The following NAPEPLD variants were observed in gnomAD, a reference collection of about 807,000 sequenced individuals.
NAPEPLD encodes N-acyl-phosphatidylethanolamine-hydrolyzing phospholipase D.
Under a neutral mutation model 38.1 loss-of-function variants are expected in NAPEPLD, and 23 were observed. The ratio of observed to expected loss-of-function variants is 0.60; its 90% CI spans 0.43 to 0.86. The LOEUF (loss-of-function observed/expected upper bound fraction) is 0.86. Among genes scored for constraint, NAPEPLD ranks in the 40% least tolerant of loss-of-function variants. The pLI is 0.00. For synonymous variants in NAPEPLD, 147 were observed against 162.0 expected (o/e 0.91, Z 0.71); for missense variants, 411 against 476.8 (o/e 0.86, Z 1.28).
chr7:103,136,724 T>C (rs6964822), intron 1 of NAPEPLD, among the ~76,000 whole-genome samples: 135,861 of 152,150 alleles, frequency 0.89, 62,646 homozygotes, highest in East Asian at 1. Context: ...CCTAAGTTAC[T>C]GAATTTTTTT....
intron 1 of NAPEPLD, chr7:103,141,749 C>G (rs535163423): frequency 1.5e-5 from 13 of 852,532 alleles, no homozygotes; most frequent in Non-Finnish European, 2.7e-5. Context: ...GGTGTTTTTC[C>G]GGCATCAAGC....
At chr7:103,125,942 T>C (rs892466645) in intron 2 of NAPEPLD, among the ~76,000 whole-genome samples, 1 of 150,010 alleles carries the variant, frequency 6.7e-6, no homozygotes, top group South Asian at 2.1e-4. Flanking sequence ...AAACAAATTC[T>C]TGAGGAAATT....
At chr7:103,129,756 C>G (rs764374601) in intron 1 of NAPEPLD, among the ~76,000 whole-genome samples, 1 of 152,180 alleles carries the variant, frequency 6.6e-6, no homozygotes, top group African/African-American at 2.4e-5. Context: ...GTTTCCCACC[C>G]TCTCTGTACC....
intron 2 of NAPEPLD, among the ~76,000 whole-genome samples, chr7:103,121,909 G>T (rs569078732): frequency 6.6e-6 from 1 of 152,118 alleles, no homozygotes; most frequent in Non-Finnish European, 1.5e-5. Flanking sequence ...GTGAGTTCCT[G>T]AAGAATGATG....
intron 2 of NAPEPLD, among the ~76,000 whole-genome samples, chr7:103,121,615 G>T (rs1224012302): frequency 6.6e-6 from 1 of 152,174 alleles, no homozygotes; most frequent in Non-Finnish European, 1.5e-5. Flanking sequence ...CTGCAGCAAC[G>T]TGCAGCACAT....
At chr7:103,149,595 C>T (rs1813313758), upstream of NAPEPLD, 1 of 836,224 alleles carries the variant, frequency 1.2e-6, no homozygotes, top group Non-Finnish European at 1.6e-6. Flanking sequence ...AGATGGCCGC[C>T]CCTGTGGGCC....
At chr7:103,149,408 C>T (rs1286713261), upstream of NAPEPLD, 23 of 1,226,818 alleles carry the variant, frequency 1.9e-5, no homozygotes, top group African/African-American at 3.3e-5. Flanking sequence ...CTTCCTAACC[C>T]GAGCCCGCCG....
intron 1 of NAPEPLD, among the ~76,000 whole-genome samples, chr7:103,129,502 G>C (rs1446809895): frequency 2.0e-5 from 3 of 152,162 alleles, no homozygotes; most frequent in Admixed American, 6.5e-5. Flanking sequence ...TCAGTTCCTT[G>C]AGGGAATTTA....
intron 1 of NAPEPLD, among the ~76,000 whole-genome samples, chr7:103,143,745 A>G (rs1306890191): frequency 6.6e-6 from 1 of 152,202 alleles, no homozygotes; most frequent in Non-Finnish European, 1.5e-5. Flanking sequence ...TATTTGAGCA[A>G]TCTTTCAAAT....
intron 1 of NAPEPLD, 28 bp from the exon 2 acceptor site, chr7:103,128,820 G>A: frequency 6.3e-7 from 1 of 1,578,662 alleles, no homozygotes; most frequent in Non-Finnish European, 8.6e-7. Flanking sequence ...GAAAAATACT[G>A]AGTTGAACAT....
At chr7:103,142,556 A>C (rs185218114) in intron 1 of NAPEPLD, among the ~76,000 whole-genome samples, 45 of 152,300 alleles carry the variant, frequency 3.0e-4, no homozygotes, top group Non-Finnish European at 4.3e-4. Context: ...CAGTGAGCCA[A>C]GATCGTGCCA....
chr7:103,148,028 G>A (rs1229817100), intron 1 of NAPEPLD: 2 of 984,376 alleles, frequency 2.0e-6, no homozygotes, highest in Non-Finnish European at 2.4e-6. Context: ...TGGGATATAG[G>A]TAATCTTCTT....
At chr7:103,129,142 G>A (rs535378257) in intron 1 of NAPEPLD, 1 of 204,930 alleles carries the variant, frequency 4.9e-6, no homozygotes, top group Non-Finnish European at 8.6e-6. Context: ...GCACATGCCT[G>A]TAATGCCAGC....
chr7:103,124,582 T>G (rs990804027), intron 2 of NAPEPLD, among the ~76,000 whole-genome samples: 2 of 152,208 alleles, frequency 1.3e-5, no homozygotes, highest in African/African-American at 4.8e-5. Context: ...ATCAAGACTT[T>G]CTTGGCTGGT....
chr7:103,137,026 A>G (rs1810212564), intron 1 of NAPEPLD, among the ~76,000 whole-genome samples: 1 of 152,040 alleles, frequency 6.6e-6, no homozygotes, highest in African/African-American at 2.4e-5. Flanking sequence ...TGCAACCTCC[A>G]CCTCCCAGAT....
intron 1 of NAPEPLD, among the ~76,000 whole-genome samples, chr7:103,145,747 C>A (rs1395032611): frequency 1.3e-5 from 2 of 152,140 alleles, no homozygotes; most frequent in African/African-American, 4.8e-5. Context: ...GATGATGGAG[C>A]CTGGACTACG....
intron 1 of NAPEPLD, among the ~76,000 whole-genome samples, chr7:103,134,834 C>T (rs1188090961): frequency 6.6e-6 from 1 of 152,126 alleles, no homozygotes; most frequent in Non-Finnish European, 1.5e-5. Flanking sequence ...TGGGCTGTGA[C>T]ATTTGGTGAA....
At position 103,141,481 on chromosome 7, in the gene NAPEPLD, C is replaced by G. The variant is rs984304255; in HGVS notation, c.-17+7330G>C. The stretch of plus-strand genomic sequence containing the variant: ...GGGCCTCAGCCTGATCAGCCAGGAG[C>G]TTCTTGCGGGCCTTGTCTGCCTTCA... On this transcript the variant is annotated intron_variant, in intron 1 of 4. Coordinates refer to ENST00000465647, the MANE Select transcript of NAPEPLD (RefSeq NM_001122838.3). The G allele has an allele frequency of 2.3e-6, 3 of 1,326,282 alleles. No individual in the cohort carries two copies. In the Admixed American group the frequency reaches 5.5e-5, roughly 24 times the overall value. The allele number at this position is 1,326,282 out of a possible 1,614,324, so 82.2% of individuals were successfully genotyped here. A position where few individuals can be genotyped will look rare whatever the true frequency, so the allele number is the denominator to read the frequency against.
chr7:103,140,584 G>A lies in NAPEPLD; in HGVS notation c.-17+8227C>T, dbSNP rs191348969. Among the ~76,000 whole-genome samples the A allele has an allele frequency of 4.8e-3, 721 of 151,770 alleles. 6 individuals are homozygous for A. The highest frequency in any genetic ancestry group is 0.016 in the African/African-American group (680 of 41,418). ...ATTTTTTTGTATTTTTAGTAGAGAC[G>A]GGGTTTCACCATGTTAGCCAGGACG... On this transcript the variant is annotated intron_variant, in intron 1 of 4. Transcript: ENST00000465647.
Sources: gnomAD v4.1 joint callset for allele counts (sites outside exome capture counted in the v4.1 genomes callset) on GRCh38, gnomAD v4.1.1 for gene constraint, MANE v1.5 for transcripts, NCBI Gene and HGNC (gene_info 2026-07-23, HGNC 2026-07-21) for gene names.